Variants in BICC1 observed in about 807,000 individuals in gnomAD.
BICC1 encodes protein bicaudal C homolog 1.
BICC1 carries 43 observed loss-of-function variants against 111.0 expected under a neutral mutation model. The ratio of observed to expected loss-of-function variants is 0.39; its 90% confidence interval spans 0.30 to 0.50. BICC1 has a LOEUF of 0.50. BICC1 is among the 20% of genes least tolerant of loss of function. The pLI is 0.88. For missense variants in BICC1, 1,091 were observed against 1,203.2 expected (o/e 0.91, Z 1.38); for synonymous variants, 467 against 434.4 (o/e 1.07, Z -0.93).
chr10:58,765,177 G>A (rs572112882), intron 3 of BICC1, among the ~76,000 whole-genome samples: 32 of 152,146 alleles, frequency 2.1e-4, no homozygotes, highest in South Asian at 1.2e-3. Context: ...CCGCCTCTCC[G>A]TTCAAGCAAT....
chr10:58,598,985 T>G (rs1844932029), intron 1 of BICC1, among the ~76,000 whole-genome samples: 1 of 152,158 alleles, frequency 6.6e-6, no homozygotes, highest in Non-Finnish European at 1.5e-5. Context: ...ATGGCGATCG[T>G]TAAAAAGTCA....
intron 1 of BICC1, among the ~76,000 whole-genome samples, chr10:58,522,393 TAAGAA>T (rs1842415782): frequency 6.6e-6 from 1 of 152,126 alleles, no homozygotes; most frequent in Non-Finnish European, 1.5e-5. Context: ...AACTCAGGAT[TAAGAA>T]ACTCCCTCAA....
Position 58,824,601 on chromosome 10 carries a change from T to TC in BICC1, c.2794+4134dup, listed in dbSNP as rs1285012291. Among the ~76,000 whole-genome samples, 5 of 152,156 alleles carry TC rather than the reference T, an allele frequency of 3.3e-5. 1 individual carries two copies. The highest frequency in any genetic ancestry group is 4.8e-5 in the African/African-American group (2 of 41,438). On this transcript the variant is annotated intron_variant, in intron 20 of 20. Coordinates refer to ENST00000373886, the MANE Select transcript of BICC1 (RefSeq NM_001080512.3). Reference sequence around the variant, plus strand: ...CAGTCTGTTACAACCTGAATCTGTGTCGTCAGCATTACTGTAGATGGCCAT... The same window carrying TC: ...CAGTCTGTTACAACCTGAATCTGTGTCCGTCAGCATTACTGTAGATGGCCAT...
intron 2 of BICC1, among the ~76,000 whole-genome samples, chr10:58,665,914 T>C (rs772780589): frequency 1.6e-3 from 246 of 152,314 alleles, no homozygotes; most frequent in Non-Finnish European, 1.8e-3. Context: ...TTGAGATATT[T>C]TCTGTTTAAA....
Position 58,813,875 on chromosome 10 carries a change from G to A in BICC1, c.2422G>A (p.Gly808Arg), listed in dbSNP as rs1365259789. The change falls in exon 18 of 21, where the codon GGA becomes AGA. Residue 808 changes from glycine (G) to arginine (R), a missense_variant. Transcript: ENST00000373886. ...ACGGTCCAACAGTCGTGAGCACTTG[G>A]GAGGTGGAAGCGAATCTGATAACTG... Reference protein sequence around the residue: ...LSRSNSREHLGGGSESDNWRD... With the variant: ...LSRSNSREHLRGGSESDNWRD... 1.2e-6 allele frequency: 2 copies of A among 1,613,998 alleles called. No homozygotes were observed. Among genetic ancestry groups the A allele is most frequent in the Non-Finnish European group, 1.7e-6 (2 of 1,179,902 alleles).
At chr10:58,819,664 A>C (rs1844198006) in intron 19 of BICC1, among the ~76,000 whole-genome samples, 2 of 152,160 alleles carry the variant, frequency 1.3e-5, no homozygotes. Flanking sequence ...CAGTTCTGCA[A>C]GATACAGTAT....
At chr10:58,733,269 A>G (rs1214333066) in intron 3 of BICC1, among the ~76,000 whole-genome samples, 1 of 152,234 alleles carries the variant, frequency 6.6e-6, no homozygotes, top group African/African-American at 2.4e-5. Context: ...TAGGTGTTCA[A>G]AACTTTTTGT....
chr10:58,608,248 G>A (rs750420097), intron 1 of BICC1, among the ~76,000 whole-genome samples: 2 of 151,854 alleles, frequency 1.3e-5, no homozygotes, highest in Non-Finnish European at 2.9e-5. Flanking sequence ...CACCTATTTC[G>A]GAACACCTGT....
In BICC1 at chr10:58,655,800, G is replaced by A. The variant is rs907493345; in HGVS notation, c.237+34899G>A. The stretch of plus-strand genomic sequence containing the variant: ...AATGCTTCCAGTTTTTGCCCATTCA[G>A]TATGATATTGGCTGTGGGTTTGTCA... On this transcript the variant is annotated intron_variant, in intron 2 of 20. Transcript: ENST00000373886. 4.6e-4 allele frequency among the ~76,000 whole-genome samples: 66 copies of A among 142,804 alleles called. No individual in the cohort carries two copies. The East Asian group carries it at 0.01, about 22-fold the overall frequency. The allele number at this position is 142,804 out of a possible 152,430, so 93.7% of individuals were successfully genotyped here.
intron 3 of BICC1, among the ~76,000 whole-genome samples, chr10:58,730,871 C>T (rs1480021008): frequency 6.6e-6 from 1 of 152,090 alleles, no homozygotes; most frequent in Admixed American, 6.5e-5. Flanking sequence ...CCCAGGAAAC[C>T]ATTCAGCCCC....
rs1564468246 is a variant in BICC1 at position 58,518,594 on chromosome 10, G to GTT, written c.190+5261_190+5262insTT. Among the ~76,000 whole-genome samples the GTT allele has an allele frequency of 6.5e-3, 805 of 123,192 alleles. 38 individuals carry two copies. The highest frequency in any genetic ancestry group is 0.024 in the African/African-American group (667 of 28,148). The allele number at this position is 123,192 out of a possible 152,430, so 80.8% of individuals were successfully genotyped here. On this transcript the variant is annotated intron_variant, in intron 1 of 20. Transcript: ENST00000373886. ...ATCCTTTGTGTATGTGTGTGTTGGGGGGGGGGGGGTGTGTTTGATGTGTTT... is the reference window on the plus strand; with the variant it reads ...ATCCTTTGTGTATGTGTGTGTTGGGGTTGGGGGGGGGTGTGTTTGATGTGTTT...
chr10:58,714,222 T>C (rs1441878927), intron 3 of BICC1, among the ~76,000 whole-genome samples: 3 of 152,226 alleles, frequency 2.0e-5, no homozygotes. Context: ...AGCACTGGAT[T>C]CCCGTTAGAA....
chr10:58,741,160 G>A (rs572776577), intron 3 of BICC1, among the ~76,000 whole-genome samples: 2 of 152,328 alleles, frequency 1.3e-5, no homozygotes, highest in East Asian at 3.9e-4. Context: ...CCTGAAGAGG[G>A]CAGACGAGTT....
At chr10:58,543,466 T>C (rs1266897128) in intron 1 of BICC1, among the ~76,000 whole-genome samples, 2 of 152,146 alleles carry the variant, frequency 1.3e-5, no homozygotes, top group East Asian at 3.9e-4. Flanking sequence ...AACACTATTG[T>C]AATGTACACT....
At chr10:58,527,947 T>C (rs1026697782) in intron 1 of BICC1, among the ~76,000 whole-genome samples, 2 of 151,960 alleles carry the variant, frequency 1.3e-5, no homozygotes, top group African/African-American at 4.8e-5. Context: ...AATAATAATA[T>C]GTCTCATGTA....
Position 58,794,067 on chromosome 10 carries a change from G to T in BICC1, c.1179+452G>T, listed in dbSNP as rs950542468. Among the ~76,000 whole-genome samples, 13 of 151,788 alleles carry T rather than the reference G, an allele frequency of 8.6e-5. No homozygotes were observed. The East Asian group carries it at 2.3e-3, about 27-fold the overall frequency. ...TTAGAGTAACCATTATTTTTCCATA[G>T]TTAAATGAGAAGGAAAGAACATTTG... On this transcript the variant is annotated intron_variant, in intron 9 of 20. Coordinates refer to ENST00000373886, the MANE Select transcript of BICC1 (RefSeq NM_001080512.3).
chr10:58,585,468 A>G (rs1844403405), intron 1 of BICC1, among the ~76,000 whole-genome samples: 1 of 152,220 alleles, frequency 6.6e-6, no homozygotes, highest in Non-Finnish European at 1.5e-5. Flanking sequence ...GATACAAATT[A>G]GGGTAAAAAA....
intron 3 of BICC1, among the ~76,000 whole-genome samples, chr10:58,753,866 A>T (rs1450215544): frequency 6.6e-6 from 1 of 151,858 alleles, no homozygotes; most frequent in Non-Finnish European, 1.5e-5. Flanking sequence ...TCCGTACTAT[A>T]TCATTTGTCC....
intron 2 of BICC1, among the ~76,000 whole-genome samples, chr10:58,657,364 G>C (rs1258398654): frequency 6.6e-6 from 1 of 152,122 alleles, no homozygotes; most frequent in Non-Finnish European, 1.5e-5. Context: ...GTAAAGGTAA[G>C]GATTGCTGTT....
Sources: allele counts gnomAD v4.1 joint callset (sites outside exome capture counted in the v4.1 genomes callset), GRCh38; gene constraint gnomAD v4.1.1; transcripts MANE v1.5; gene names NCBI Gene and HGNC (gene_info 2026-07-23, HGNC 2026-07-21).